Variants in SLC35F3 observed in about 807,000 individuals in gnomAD.
The protein encoded by SLC35F3 is putative thiamine transporter SLC35F3.
Under a neutral mutation model 49.9 loss-of-function variants are expected in SLC35F3, and 25 were observed. That is an observed-to-expected ratio of 0.50 (90% CI 0.37 to 0.70). SLC35F3 has a LOEUF of 0.70. SLC35F3 is among the 30% of genes least tolerant of loss of function. SLC35F3 has a pLI of 0.00. For synonymous variants in SLC35F3, 275 were observed against 265.4 expected, an observed-to-expected ratio of 1.04 and a Z score of -0.35; for missense variants, 525 against 639.8, an observed-to-expected ratio of 0.82 and a Z score of 1.94.
intron 2 of SLC35F3, among the ~76,000 whole-genome samples, chr1:234,076,579 A>C (rs1664794995): frequency 6.6e-6 from 1 of 151,690 alleles, no homozygotes; most frequent in Non-Finnish European, 1.5e-5. Context: ...CTTCTGCCTC[A>C]GCCTACCAAG....
rs143693757 is a variant in SLC35F3 at position 234,290,561 on chromosome 1, G to A, written c.609-18540G>A. On this transcript the variant is annotated intron_variant, in intron 3 of 7. Coordinates refer to ENST00000366618, the MANE Select transcript of SLC35F3 (RefSeq NM_173508.4). ...CTTCACTGCCCCATGTCCTGGAGTT[G>A]GATGTCAGGGATAGGACACTCATCA... 1.6e-3 allele frequency among the ~76,000 whole-genome samples: 237 copies of A among 152,262 alleles called. 1 individual carries two copies. Among genetic ancestry groups the A allele is most frequent in the African/African-American group, 5.3e-3 (219 of 41,546 alleles).
intron 2 of SLC35F3, among the ~76,000 whole-genome samples, chr1:234,095,686 G>C (rs1479577350): frequency 6.6e-6 from 1 of 152,174 alleles, no homozygotes; most frequent in Non-Finnish European, 1.5e-5. Context: ...ATTGACTCGG[G>C]CATCCCAGGA....
chr1:234,214,721 C>T lies in SLC35F3; in HGVS notation c.284-16696C>T. Reference sequence around the variant, plus strand: ...GCTCCGCAGTGCAGAGCGCCGCCGCCTGCGTGGGGGGATCTGGCAGCTTCA... The same window carrying T: ...GCTCCGCAGTGCAGAGCGCCGCCGCTTGCGTGGGGGGATCTGGCAGCTTCA... On this transcript the variant is annotated intron_variant, in intron 2 of 7. Coordinates refer to ENST00000366618, the MANE Select transcript of SLC35F3 (RefSeq NM_173508.4). This position sits in a 1 kb window ranked among gnomAD's most constrained non-coding sequence, Gnocchi z 8.0. The T allele has an allele frequency of 9.1e-7, 1 of 1,097,300 alleles. No homozygotes were observed. The allele number at this position is 1,097,300 out of a possible 1,614,324, so 68.0% of individuals were successfully genotyped here.
At chr1:234,225,547 T>C (rs867829102) in intron 2 of SLC35F3, among the ~76,000 whole-genome samples, 1 of 152,192 alleles carries the variant, frequency 6.6e-6, no homozygotes, top group Admixed American at 6.5e-5. Context: ...TAGATGCACT[T>C]AAGCCTCTAA....
intron 2 of SLC35F3, among the ~76,000 whole-genome samples, chr1:234,139,252 T>C (rs1457664378): frequency 2.0e-5 from 3 of 152,248 alleles, no homozygotes; most frequent in African/African-American, 7.2e-5. Context: ...TGTAGTTGCA[T>C]GTAGTTGTTC....
chr1:234,099,634 A>G (rs973831617), intron 2 of SLC35F3, among the ~76,000 whole-genome samples: 2 of 151,884 alleles, frequency 1.3e-5, no homozygotes, highest in Non-Finnish European at 2.9e-5. Flanking sequence ...AAAACAAAAA[A>G]AAGATTTTAC....
intron 2 of SLC35F3, among the ~76,000 whole-genome samples, chr1:233,929,980 A>G (rs953578726): frequency 1.3e-5 from 2 of 152,148 alleles, no homozygotes; most frequent in Non-Finnish European, 2.9e-5. Context: ...GAGGAAGATG[A>G]CAGAAATAGA....
chr1:234,066,017 C>A (rs1664611558), intron 2 of SLC35F3, among the ~76,000 whole-genome samples: 1 of 152,192 alleles, frequency 6.6e-6, no homozygotes, highest in African/African-American at 2.4e-5. Context: ...CCGGTTGCAT[C>A]TTGGCGCCAC....
At chr1:234,007,745 T>G (rs779837682) in intron 2 of SLC35F3, among the ~76,000 whole-genome samples, 52 of 152,186 alleles carry the variant, frequency 3.4e-4, no homozygotes, top group Non-Finnish European at 1.8e-4. Flanking sequence ...ATTGCAATGA[T>G]CTCAATATAC....
intron 2 of SLC35F3, among the ~76,000 whole-genome samples, chr1:234,042,293 CAG>C (rs10615746): frequency 0.27 from 41,310 of 151,896 alleles, 6,890 homozygotes; most frequent in African/African-American, 0.48. Flanking sequence ...CTGAAAGAAA[CAG>C]GGGCATGATT....
intron 2 of SLC35F3, among the ~76,000 whole-genome samples, chr1:234,081,166 C>G (rs554641471): frequency 2.9e-4 from 44 of 152,176 alleles, no homozygotes; most frequent in African/African-American, 1.0e-3. Context: ...GAACCCATGC[C>G]TCGGTCAAAA....
At chr1:234,065,641 C>T (rs558388425) in intron 2 of SLC35F3, among the ~76,000 whole-genome samples, 1 of 152,272 alleles carries the variant, frequency 6.6e-6, no homozygotes, top group Non-Finnish European at 1.5e-5. Context: ...TAGATCATGT[C>T]CCACTTTGGT....
chr1:233,974,496 A>AT (rs1483235144), intron 2 of SLC35F3, among the ~76,000 whole-genome samples: 1 of 152,052 alleles, frequency 6.6e-6, no homozygotes, highest in African/African-American at 2.4e-5. Context: ...TTGTTCTCTA[A>AT]TAAAACTAAT....
intron 3 of SLC35F3, among the ~76,000 whole-genome samples, chr1:234,275,172 C>G (rs1668182007): frequency 6.6e-6 from 1 of 152,174 alleles, no homozygotes; most frequent in Non-Finnish European, 1.5e-5. Flanking sequence ...AAAACGTAGT[C>G]AAAGCTTTGT....
At chr1:233,947,087 T>C (rs962037959) in intron 2 of SLC35F3, among the ~76,000 whole-genome samples, 1 of 152,220 alleles carries the variant, frequency 6.6e-6, no homozygotes, top group African/African-American at 2.4e-5. Flanking sequence ...TCTTGGACTT[T>C]TTCAAGAGAA....
intron 2 of SLC35F3, among the ~76,000 whole-genome samples, chr1:234,208,025 A>C (rs1248256346): frequency 6.6e-6 from 1 of 152,144 alleles, no homozygotes; most frequent in Non-Finnish European, 1.5e-5. Flanking sequence ...GAAAGAAAAA[A>C]AGAAAAGAAA....
intron 2 of SLC35F3, among the ~76,000 whole-genome samples, chr1:234,126,683 T>TTTTCTTTC (rs150185857): frequency 1.3e-4 from 20 of 151,944 alleles, no homozygotes; most frequent in African/African-American, 4.6e-4. Context: ...TAATGTTTTC[T>TTTTCTTTC]TTTCTTTCTT....
intron 2 of SLC35F3, among the ~76,000 whole-genome samples, chr1:234,181,798 G>T (rs925399864): frequency 6.6e-6 from 1 of 151,870 alleles, no homozygotes; most frequent in African/African-American, 2.4e-5. Context: ...CTTTGTTTTT[G>T]GTTTCTTTTT....
chr1:234,270,360 C>G (rs919071770), intron 3 of SLC35F3, among the ~76,000 whole-genome samples: 1 of 152,154 alleles, frequency 6.6e-6, no homozygotes, highest in African/African-American at 2.4e-5. Context: ...AGGAGAGGGT[C>G]CATTCTACAA....
Sources: allele counts gnomAD v4.1 joint callset (sites outside exome capture counted in the v4.1 genomes callset), GRCh38; gene constraint gnomAD v4.1.1; non-coding constraint Gnocchi (gnomAD v3.1); transcripts MANE v1.5; gene names NCBI Gene and HGNC (gene_info 2026-07-23, HGNC 2026-07-21).